Variants in ANXA2R observed in about 807,000 individuals in gnomAD.
The protein encoded by ANXA2R is annexin A2 receptor, also known as annexin-2 receptor.
For missense variants in ANXA2R, 244 were observed against 241.5 expected, an observed-to-expected ratio of 1.01 and a Z score of -0.07; for synonymous variants, 93 against 93.6, an observed-to-expected ratio of 0.99 and a Z score of 0.04.
chr5:43,040,139 G>T lies in ANXA2R; in HGVS notation c.-93C>A. The T allele has an allele frequency of 2.4e-6, 3 of 1,226,844 alleles. No homozygotes were observed. The highest frequency in any genetic ancestry group is 3.4e-6 in the Non-Finnish European group (3 of 884,570). 76.0% of individuals were successfully genotyped at this position (1,226,844 alleles called of 1,614,324 possible). ...AGTATTTATGCTCTGCAGAGCCCGT[G>T]GGCGGAGGCCAGTCAGATATTAAGA... On this transcript the variant is annotated 5_prime_UTR_variant, in exon 1 of 1. Coordinates refer to ENST00000616064, the MANE Select transcript of ANXA2R (RefSeq NM_001014279.3).
rs763430502 is a variant in ANXA2R at position 43,039,624 on chromosome 5, G to A, written c.423C>T (p.Ser141=). The change falls in exon 1 of 1, where the codon AGC becomes AGT. Residue 141 remains serine, a synonymous_variant. Transcript: ENST00000616064. ...GATGGCGGCGTTCCAAAAGGCACCC[G>A]CTGTCACAGACCTCGGTGTCCTGCT... ...DRQQDTEVCD[S]GCLLERRHPP... is the part of the protein sequence containing the mutation. 9 of 1,613,674 alleles carry A rather than the reference G, an allele frequency of 5.6e-6. No individual in the cohort carries two copies. In the African/African-American group the frequency reaches 9.3e-5, roughly 17 times the overall value.
In ANXA2R at chr5:43,039,544, CACT is replaced by C. The variant is rs1295806800; in HGVS notation, c.500_502del (p.Glu167_Trp168delinsGly). On this transcript the variant is annotated inframe_deletion, in exon 1 of 1. Coordinates refer to ENST00000616064, the MANE Select transcript of ANXA2R (RefSeq NM_001014279.3). Reference sequence around the variant, plus strand: ...CGCGGCAAAACCAACGCGAAGAATCCACTCCAGGCAGTCTGAGAAACCCGGGAG... The same window carrying C: ...CGCGGCAAAACCAACGCGAAGAATCCCCAGGCAGTCTGAGAAACCCGGGAG... The C allele has an allele frequency of 5.0e-6, 8 of 1,612,950 alleles. No individual in the cohort carries two copies. The highest frequency in any genetic ancestry group is 6.8e-6 in the Non-Finnish European group (8 of 1,179,382).
rs1579631944 is a variant in ANXA2R at position 43,040,009 on chromosome 5, C to T, written c.38G>A (p.Trp13Ter). 6.2e-7 allele frequency: 1 copy of T among 1,612,242 alleles called. No homozygotes were observed. The highest frequency in any genetic ancestry group is 8.5e-7 in the Non-Finnish European group (1 of 1,179,452). Reference sequence around the variant, plus strand: ...CTCTGGCGCCACCTCTGCGGAATCCCAAGCCCGCTTCACACAGCCAAGAAA... The same window carrying T: ...CTCTGGCGCCACCTCTGCGGAATCCTAAGCCCGCTTCACACAGCCAAGAAA... Residue 13 changes from tryptophan (W) to a stop codon, truncating the protein, a stop_gained, in exon 2 of 2, where the codon TGG becomes TAG. Transcript: ENST00000314890. LOFTEE classifies it low-confidence loss of function (END_TRUNC).
Position 43,040,247 on chromosome 5 carries a change from A to G in ANXA2R, c.-201T>C. On this transcript the variant is annotated 5_prime_UTR_variant, in exon 1 of 1. Transcript: ENST00000616064. ...TAGAGAGTACATAGAACCAAAACGA[A>G]CCGTAATTCCGACAGAAAAACATGG... 2.0e-6 allele frequency: 1 copy of G among 489,048 alleles called. No individual in the cohort carries two copies. The highest frequency in any genetic ancestry group is 2.0e-5 in the African/African-American group (1 of 51,102). 30.3% of individuals were successfully genotyped at this position (489,048 alleles called of 1,614,324 possible). A position where few individuals can be genotyped will look rare whatever the true frequency, so the allele number is the denominator to read the frequency against.
chr5:43,041,318 C>A (rs1742189988), upstream of ANXA2R: 1 of 152,108 alleles, frequency 6.6e-6, no homozygotes, highest in African/African-American at 2.4e-5. Context: ...TCTGTCAGAT[C>A]TAAACCCCTG....
chr5:43,039,461 C>T lies in ANXA2R; in HGVS notation c.*4G>A. 2 of 1,505,602 alleles carry T rather than the reference C, an allele frequency of 1.3e-6. No individual in the cohort carries two copies. The highest frequency in any genetic ancestry group is 1.8e-6 in the Non-Finnish European group (2 of 1,126,832). The allele number at this position is 1,505,602 out of a possible 1,614,324, so 93.3% of individuals were successfully genotyped here. ...GGAGAATCCAAAAAGCCTTCTGCTG[C>T]TATCTAAGGCTGCTTAGCTCCACAG... On this transcript the variant is annotated 3_prime_UTR_variant, in exon 1 of 1. Coordinates refer to ENST00000616064, the MANE Select transcript of ANXA2R (RefSeq NM_001014279.3).
Position 43,039,380 on chromosome 5 carries a change from A to C in ANXA2R, c.*85T>G, listed in dbSNP as rs1742143807. The C allele has an allele frequency of 1.8e-6, 2 of 1,135,648 alleles. No homozygotes were observed. Among genetic ancestry groups the C allele is most frequent in the African/African-American group, 1.6e-5 (1 of 63,998 alleles). The allele number at this position is 1,135,648 out of a possible 1,614,324, so 70.3% of individuals were successfully genotyped here. ...ACAACCAGCAATGAAAGCACATCTT[A>C]ATGTATTTTTATTTTCTAGGTGGAG... On this transcript the variant is annotated 3_prime_UTR_variant, in exon 1 of 1. Coordinates refer to ENST00000616064, the MANE Select transcript of ANXA2R (RefSeq NM_001014279.3).
Position 43,039,451 on chromosome 5 carries a change from C to A in ANXA2R, c.*14G>T. The stretch of plus-strand genomic sequence containing the variant: ...TTTTCAAGGAGGAGAATCCAAAAAG[C>A]CTTCTGCTGCTATCTAAGGCTGCTT... On this transcript the variant is annotated 3_prime_UTR_variant, in exon 1 of 1. Transcript: ENST00000616064. The A allele has an allele frequency of 6.7e-7, 1 of 1,498,386 alleles. No individual in the cohort carries two copies. The highest frequency in any genetic ancestry group is 1.4e-5 in the South Asian group (1 of 72,554). 92.8% of individuals were successfully genotyped at this position (1,498,386 alleles called of 1,614,324 possible). A position where few individuals can be genotyped will look rare whatever the true frequency, so the allele number is the denominator to read the frequency against.
rs750440696 is a variant in ANXA2R at position 43,039,925 on chromosome 5, T to C, written c.122A>G (p.Tyr41Cys). The part of the protein sequence containing the change: ...EDRGPWPLPL[Y>C]PVLGEYSLDS... ...CAGTGAGTACTCTCCTAGTACTGGA[T>C]ACAAAGGAAGAGGCCACGGCCCACG... Residue 41 changes from tyrosine to cysteine, a missense_variant, in exon 1 of 1, where the codon TAT becomes TGT. Tyr to Cys is a radical substitution (Grantham distance 194, BLOSUM62 -2). Coordinates refer to ENST00000616064, the MANE Select transcript of ANXA2R (RefSeq NM_001014279.3). 6.2e-7 allele frequency: 1 copy of C among 1,614,184 alleles called. No homozygotes were observed. Among genetic ancestry groups the C allele is most frequent in the South Asian group, 1.1e-5 (1 of 91,088 alleles).
At position 43,039,512 on chromosome 5, in the gene ANXA2R, C is replaced by G; in HGVS notation, c.535G>C (p.Val179Leu). Reference protein sequence around the residue: ...ILRVGFAAFSVLWACCSRICG... With the variant: ...ILRVGFAAFSLLWACCSRICG... Reference sequence around the variant, plus strand: ...ATCCGTGAACAGCACGCCCAGAGTACAGAGAACGCGGCAAAACCAACGCGA... The same window carrying G: ...ATCCGTGAACAGCACGCCCAGAGTAGAGAGAACGCGGCAAAACCAACGCGA... Residue 179 changes from valine to leucine, a missense_variant, in exon 1 of 1, where the codon GTA (valine) becomes CTA (leucine). Transcript: ENST00000616064. 6.2e-7 allele frequency: 1 copy of G among 1,605,614 alleles called. No individual in the cohort carries two copies. The highest frequency in any genetic ancestry group is 8.5e-7 in the Non-Finnish European group (1 of 1,175,274).
upstream of ANXA2R, chr5:43,041,234 T>C (rs1466109455): frequency 6.6e-6 from 1 of 152,170 alleles, no homozygotes; most frequent in Non-Finnish European, 1.5e-5. Context: ...TAAGCAAAAG[T>C]TACAGAGAAC....
At position 43,039,676 on chromosome 5, in the gene ANXA2R, C is replaced by T. The variant is rs1278313939; in HGVS notation, c.371G>A (p.Ser124Asn). Residue 124 changes from serine to asparagine, a missense_variant, in exon 1 of 1, where the codon AGC becomes AAC. Coordinates refer to ENST00000616064, the MANE Select transcript of ANXA2R (RefSeq NM_001014279.3). ...DRLRLQQLPWSSPLHPWDRQQ... is the reference protein window; with the variant it reads ...DRLRLQQLPWNSPLHPWDRQQ... ...TCTGTCCCAGGGATGGAGAGGACTGCTCCAGGGAAGCTGCTGGAGCCTGAG... is the reference window on the plus strand; with the variant it reads ...TCTGTCCCAGGGATGGAGAGGACTGTTCCAGGGAAGCTGCTGGAGCCTGAG... 3 of 1,613,476 alleles carry T rather than the reference C, an allele frequency of 1.9e-6. No homozygotes were observed. The highest frequency in any genetic ancestry group is 1.1e-5 in the South Asian group (1 of 90,976).
Position 43,039,762 on chromosome 5 carries a change from C to T in ANXA2R, c.285G>A (p.Gly95=). Residue 95 remains glycine, a synonymous_variant, in exon 1 of 1, where the codon GGG becomes GGA. Transcript: ENST00000616064. Reference sequence around the variant, plus strand: ...CGGGTGCCTCTTGCTGCTTCTGTGTCCCCGGCCAACTGAACTCAGTGGGCT... The same window carrying T: ...CGGGTGCCTCTTGCTGCTTCTGTGTTCCCGGCCAACTGAACTCAGTGGGCT... ...TAKPTEFSWP[G]TQKQQEAPVE... is the part of the protein sequence containing the mutation. 1 of 1,614,210 alleles carries T rather than the reference C, an allele frequency of 6.2e-7. No homozygotes were observed. Among genetic ancestry groups the T allele is most frequent in the Non-Finnish European group, 8.5e-7 (1 of 1,180,032 alleles).
chr5:43,039,867 A>G lies in ANXA2R; in HGVS notation c.180T>C (p.Pro60=). ...DSCDLGLLSS[P]CWRLPGVYWQ... is the part of the protein sequence containing the mutation. The stretch of plus-strand genomic sequence containing the variant: ...AGTAGACTCCGGGCAGCCGCCAGCA[A>G]GGGCTGGAAAGCAGTCCCAAATCAC... The change falls in exon 1 of 1, where the codon CCT becomes CCC. Residue 60 remains proline, a synonymous_variant. Transcript: ENST00000616064. 1.2e-6 allele frequency: 2 copies of G among 1,614,244 alleles called. No homozygotes were observed. The highest frequency in any genetic ancestry group is 1.7e-6 in the Non-Finnish European group (2 of 1,180,048).
chr5:43,039,585 C>T lies in ANXA2R; in HGVS notation c.462G>A (p.Gln154=). The change falls in exon 1 of 1, where the codon CAG becomes CAA. Residue 154 remains glutamine, a synonymous_variant. Coordinates refer to ENST00000616064, the MANE Select transcript of ANXA2R (RefSeq NM_001014279.3). ...AGAAACCCGGGAGGTGGCGCCACGGCTGGAGGGCAGGAGGATGGCGGCGTT... is the reference window on the plus strand; with the variant it reads ...AGAAACCCGGGAGGTGGCGCCACGGTTGGAGGGCAGGAGGATGGCGGCGTT... ...LLERRHPPAL[Q]PWRHLPGFSD... is the part of the protein sequence containing the mutation. The T allele has an allele frequency of 6.2e-7, 1 of 1,613,984 alleles. No homozygotes were observed. The highest frequency in any genetic ancestry group is 1.6e-4 in the Middle Eastern group (1 of 6,062).
At chr5:43,042,789 T>G (rs961634950), upstream of ANXA2R, 2 of 152,656 alleles carry the variant, frequency 1.3e-5, no homozygotes, top group African/African-American at 4.8e-5. The surrounding 1 kb of genome is among the most constrained non-coding windows in gnomAD (Gnocchi z 5.6). Flanking sequence ...ACACCGCGAT[T>G]TCGACGACAG....
At position 43,039,855 on chromosome 5, in the gene ANXA2R, C is replaced by A; in HGVS notation, c.192G>T (p.Leu64=). 7 of 1,614,228 alleles carry A rather than the reference C, an allele frequency of 4.3e-6. No homozygotes were observed. The highest frequency in any genetic ancestry group is 5.9e-6 in the Non-Finnish European group (7 of 1,180,032). Residue 64 remains leucine (L), a synonymous_variant, in exon 1 of 1, where the codon CTG becomes CTT. Coordinates refer to ENST00000616064, the MANE Select transcript of ANXA2R (RefSeq NM_001014279.3). ...LGLLSSPCWR[L]PGVYWQNGLS... ...GTCCGTTTTGCCAGTAGACTCCGGGCAGCCGCCAGCAAGGGCTGGAAAGCA... is the reference window on the plus strand; with the variant it reads ...GTCCGTTTTGCCAGTAGACTCCGGGAAGCCGCCAGCAAGGGCTGGAAAGCA...
At chr5:43,042,731 C>T (rs1215396669), upstream of ANXA2R, 2 of 152,892 alleles carry the variant, frequency 1.3e-5, no homozygotes, top group Admixed American at 6.5e-5. This position sits in a 1 kb window ranked among gnomAD's most constrained non-coding sequence, Gnocchi z 5.6. Flanking sequence ...GTGGAGAGAA[C>T]CCCGCAGCCA....
chr5:43,043,246 A>G (rs1197562438), upstream of ANXA2R: 1 of 152,132 alleles, frequency 6.6e-6, no homozygotes, highest in East Asian at 1.9e-4. Context: ...GTTGCAAAAG[A>G]TAATTTTTGG....
Sources: allele counts gnomAD v4.1 joint callset, GRCh38; gene constraint gnomAD v4.1.1; non-coding constraint Gnocchi (gnomAD v3.1); transcripts MANE v1.5; gene names NCBI Gene and HGNC (gene_info 2026-07-23, HGNC 2026-07-21).